The following STX8 variants were observed in gnomAD, a reference collection of about 807,000 sequenced individuals.
The protein encoded by STX8 is syntaxin-8.
STX8 carries 23 observed loss-of-function variants against 37.5 expected under a neutral mutation model. That is an observed-to-expected ratio of 0.61 (90% confidence interval 0.44 to 0.87). STX8 has a LOEUF of 0.87. Ranked by LOEUF, STX8 falls within the 40% of genes least tolerant of loss-of-function variation. The pLI is 0.00. For synonymous variants in STX8, 115 were observed against 99.1 expected (o/e 1.16, Z -0.95); for missense variants, 313 against 284.7 (o/e 1.10, Z -0.71).
At chr17:9,395,192 T>G (rs1912356747) in intron 6 of STX8, among the ~76,000 whole-genome samples, 1 of 152,150 alleles carries the variant, frequency 6.6e-6, no homozygotes, top group African/African-American at 2.4e-5. Context: ...CTCTTTATAG[T>G]GCTAAAACAA....
chr17:9,438,587 G>A (rs961182252), intron 6 of STX8, among the ~76,000 whole-genome samples: 2 of 152,094 alleles, frequency 1.3e-5, no homozygotes, highest in Admixed American at 6.6e-5. Context: ...CGTCTCTGTT[G>A]CAACTACTCA....
chr17:9,398,329 C>G (rs1567543702), intron 6 of STX8, among the ~76,000 whole-genome samples: 2 of 152,194 alleles, frequency 1.3e-5, no homozygotes, highest in Admixed American at 1.3e-4. Context: ...CCCAACAACT[C>G]ATAACCCCAG....
At chr17:9,572,460 A>G (rs1907721612) in intron 1 of STX8, among the ~76,000 whole-genome samples, 1 of 152,152 alleles carries the variant, frequency 6.6e-6, no homozygotes, top group Non-Finnish European at 1.5e-5. Flanking sequence ...CCCAGGCTGA[A>G]GTGCAGTGGC....
At chr17:9,437,954 GC>G (rs1208455751) in intron 6 of STX8, 1 of 152,018 alleles carries the variant, frequency 6.6e-6, no homozygotes, top group Non-Finnish European at 1.5e-5. Context: ...GGTATAAAAA[GC>G]CCATTTCTCG....
At chr17:9,448,543 G>A (rs551784366) in intron 6 of STX8, among the ~76,000 whole-genome samples, 1,381 of 100,720 alleles carry the variant, frequency 0.014, 28 homozygotes, top group Admixed American at 0.051. Flanking sequence ...TGCAATGTGC[G>A]TTACGGAGAA....
intron 6 of STX8, among the ~76,000 whole-genome samples, chr17:9,485,116 T>G (rs1906527449): frequency 8.7e-6 from 1 of 114,642 alleles, no homozygotes; most frequent in South Asian, 3.7e-4. Context: ...TGCCAAGACC[T>G]TGTCGCTTAG....
intron 7 of STX8, among the ~76,000 whole-genome samples, chr17:9,347,068 A>C (rs1910559071): frequency 6.6e-6 from 1 of 152,056 alleles, no homozygotes; most frequent in Non-Finnish European, 1.5e-5. Context: ...CAGAGGTTGC[A>C]GTGAGCTGAG....
chr17:9,306,468 G>A lies in STX8; in HGVS notation c.644-55823C>T, dbSNP rs539347903. ...TACTCAAAATAAAAAACAAATTAAG[G>A]GCCAGGTACGGTATCTCACACCTGT... On this transcript the variant is annotated intron_variant, in intron 7 of 7. Coordinates refer to ENST00000306357, the MANE Select transcript of STX8 (RefSeq NM_004853.3). Among the ~76,000 whole-genome samples, 3 of 152,004 alleles carry A rather than the reference G, an allele frequency of 2.0e-5. No individual in the cohort carries two copies. In the East Asian group the frequency reaches 5.8e-4, roughly 29 times the overall value.
intron 6 of STX8, among the ~76,000 whole-genome samples, chr17:9,469,471 G>A (rs1222680559): frequency 6.6e-6 from 1 of 151,970 alleles, no homozygotes; most frequent in Non-Finnish European, 1.5e-5. Flanking sequence ...TCAGTTACAT[G>A]TTCATAAGTG....
Position 9,321,150 on chromosome 17 carries a change from G to T in STX8, c.643+57402C>A, listed in dbSNP as rs142248579. On this transcript the variant is annotated intron_variant, in intron 7 of 7. Transcript: ENST00000306357. ...CAATACACAGAGGAATAAAAATAAC[G>T]ACATGGGAAAGGGGAGAGGTATGTA... Among the ~76,000 whole-genome samples, 296 of 152,212 alleles carry T rather than the reference G, an allele frequency of 1.9e-3. 1 individual carries two copies. Among genetic ancestry groups the T allele is most frequent in the African/African-American group, 6.6e-3 (275 of 41,546 alleles).
At chr17:9,529,274 T>A (rs547713065) in intron 4 of STX8, among the ~76,000 whole-genome samples, 89 of 150,274 alleles carry the variant, frequency 5.9e-4, no homozygotes, top group African/African-American at 2.1e-3. Context: ...AGAGAGAGAG[T>A]GTGTGGGTGC....
At chr17:9,269,183 T>C (rs1907357259) in intron 7 of STX8, among the ~76,000 whole-genome samples, 1 of 109,178 alleles carries the variant, frequency 9.2e-6, no homozygotes, top group African/African-American at 6.1e-5. Context: ...CAAGACTCCG[T>C]CTCAAAAAAA....
intron 6 of STX8, among the ~76,000 whole-genome samples, chr17:9,413,732 T>A (rs1173212292): frequency 1.3e-5 from 2 of 152,146 alleles, no homozygotes; most frequent in Non-Finnish European, 2.9e-5. Context: ...GAACAAGGGC[T>A]TCTGAGTGAA....
At chr17:9,493,097 CA>C (rs34911369) in intron 5 of STX8, among the ~76,000 whole-genome samples, 23,869 of 110,902 alleles carry the variant, frequency 0.22, 1,945 homozygotes, top group South Asian at 0.29. Flanking sequence ...GACTCCGTCT[CA>C]AAAAAAAAAA....
At chr17:9,309,571 G>A (rs188601591) in intron 7 of STX8, among the ~76,000 whole-genome samples, 11 of 152,250 alleles carry the variant, frequency 7.2e-5, no homozygotes, top group Admixed American at 3.3e-4. Flanking sequence ...GCCCCTGATA[G>A]TACACATTCA....
chr17:9,314,245 A>G (rs1909300777), intron 7 of STX8, among the ~76,000 whole-genome samples: 1 of 152,224 alleles, frequency 6.6e-6, no homozygotes, highest in Admixed American at 6.5e-5. Flanking sequence ...GAGGAATAGA[A>G]TTGCCAGGTA....
At chr17:9,340,745 C>G (rs1333111932) in intron 7 of STX8, among the ~76,000 whole-genome samples, 1 of 136,216 alleles carries the variant, frequency 7.3e-6, no homozygotes, top group Non-Finnish European at 1.5e-5. Context: ...GCAACCTCTG[C>G]CTCCCGGGTT....
intron 7 of STX8, among the ~76,000 whole-genome samples, chr17:9,335,219 G>A (rs948278307): frequency 6.6e-6 from 1 of 152,190 alleles, no homozygotes; most frequent in African/African-American, 2.4e-5. Context: ...ACCTGCGTCA[G>A]GAATAAAAAC....
chr17:9,321,196 A>G (rs1445191491), intron 7 of STX8, among the ~76,000 whole-genome samples: 5 of 152,184 alleles, frequency 3.3e-5, no homozygotes, highest in South Asian at 4.1e-4. Flanking sequence ...ATGAAACCCT[A>G]TCTATATCAG....
Sources: allele counts gnomAD v4.1 joint callset (sites outside exome capture counted in the v4.1 genomes callset), GRCh38; gene constraint gnomAD v4.1.1; transcripts MANE v1.5; gene names NCBI Gene and HGNC (gene_info 2026-07-23, HGNC 2026-07-21).